The following XDH variants were observed in gnomAD, a reference collection of about 807,000 sequenced individuals.
XDH encodes xanthine dehydrogenase, also known as xanthine dehydrogenase/oxidase.
In XDH, 138 loss-of-function variants were observed where a neutral mutation model predicts 156.1. The observed-to-expected ratio is 0.88, with a 90% CI of 0.77 to 1.02. The LOEUF is 1.02. Among genes scored for constraint, XDH ranks in the 50% least tolerant of loss-of-function variants. The pLI, the probability that XDH is intolerant of heterozygous loss-of-function variation, is 0.00. For missense variants in XDH, 1,849 were observed against 1,684.9 expected (o/e 1.10, Z -1.71); for synonymous variants, 669 against 625.7 (o/e 1.07, Z -1.03).
At chr2:31,348,627 G>A (rs1459581089) in intron 27 of XDH, among the ~76,000 whole-genome samples, 1 of 152,180 alleles carries the variant, frequency 6.6e-6, no homozygotes, top group Non-Finnish European at 1.5e-5. Context: ...TGTAAGTGAA[G>A]AAACAGAACA....
intron 31 of XDH, among the ~76,000 whole-genome samples, chr2:31,342,519 T>G (rs1383202736): frequency 6.6e-6 from 1 of 152,220 alleles, no homozygotes; most frequent in East Asian, 1.9e-4. Flanking sequence ...CCAGTAGCCC[T>G]TCTGTACTCA....
At chr2:31,357,979 G>A (rs932525929) in intron 24 of XDH, among the ~76,000 whole-genome samples, 1 of 151,704 alleles carries the variant, frequency 6.6e-6, no homozygotes, top group East Asian at 1.9e-4. Context: ...GTGTTTTTTT[G>A]TTTGTTTCTT....
intron 24 of XDH, among the ~76,000 whole-genome samples, chr2:31,356,304 GA>G (rs754078924): frequency 7.0e-4 from 106 of 152,152 alleles, no homozygotes; most frequent in Non-Finnish European, 1.2e-3. Flanking sequence ...CATGTGGTAG[GA>G]AAAAGAAATG....
rs748041303 is a variant in XDH, at chr2:31,349,009, C to A, written c.2970-29G>T. The A allele has an allele frequency of 1.4e-5, 22 of 1,590,854 alleles. No individual in the cohort carries two copies. In the South Asian group the frequency reaches 1.6e-4, roughly 11 times the overall value. Reference sequence around the variant, plus strand: ...GAGAAAAAGGAATATTCTTATAGAACCTTCGCTATCATATTGAGGACATGA... The same window carrying A: ...GAGAAAAAGGAATATTCTTATAGAAACTTCGCTATCATATTGAGGACATGA... On this transcript the variant is annotated intron_variant, in intron 26 of 35. Coordinates refer to ENST00000379416, the MANE Select transcript of XDH (RefSeq NM_000379.4).
At position 31,366,019 on chromosome 2, in the gene XDH, G is replaced by A. The variant is rs140007233; in HGVS notation, c.2413C>T (p.Arg805Trp). Residue 805 changes from arginine to tryptophan, a missense_variant, in exon 22 of 36, where the codon CGG (arginine) becomes TGG (tryptophan). Arg to Trp is a moderately radical substitution (Grantham distance 101). Transcript: ENST00000379416. ...ACTGCCGTGGACACCACAGTGCTCC[G>A]GGTCTCCTTGCCTCCAAAGCCTCCT... is the stretch of plus-strand genomic sequence containing the variant. The part of the protein sequence containing the change: ...MGGGFGGKET[R>W]STVVSTAVAL... The A allele has an allele frequency of 1.3e-4, 210 of 1,614,044 alleles. No homozygotes were observed. The highest frequency in any genetic ancestry group is 1.7e-4 in the Non-Finnish European group (198 of 1,180,020).
chr2:31,370,241 C>G, intron 18 of XDH, 114 bp downstream of exon 18: 1 of 1,261,038 alleles, frequency 7.9e-7, no homozygotes, highest in Non-Finnish European at 1.1e-6. Flanking sequence ...TGGATGATGG[C>G]CATAATCCAT....
intron 3 of XDH, 32 bp from the exon 4 acceptor site, chr2:31,401,360 T>A: frequency 6.2e-7 from 1 of 1,610,570 alleles, no homozygotes; most frequent in Non-Finnish European, 8.5e-7. Context: ...ATTCCATTTA[T>A]TGTCCACTCA....
rs988500354 is a variant in XDH, at chr2:31,344,688, A to G, written c.3400T>C (p.Tyr1134His). ...DTVSLSATGF[Y>H]RTPNLGYSFE... The stretch of plus-strand genomic sequence containing the variant: ...CAAGGACAACACCATACTTACCTAT[A>G]AAACCCAGTGGCAGACAAGCTCACT... Residue 1134 changes from tyrosine to histidine, a missense_variant, in exon 31 of 36, where the codon TAT becomes CAT. Physicochemically the swap from Tyr to His is moderately conservative, Grantham distance 83. Coordinates refer to ENST00000379416, the MANE Select transcript of XDH (RefSeq NM_000379.4). 2.5e-6 allele frequency: 4 copies of G among 1,614,016 alleles called. No individual in the cohort carries two copies. Among genetic ancestry groups the G allele is most frequent in the Non-Finnish European group, 2.5e-6 (3 of 1,180,036 alleles).
chr2:31,362,002 T>C (rs1685791847), intron 24 of XDH, among the ~76,000 whole-genome samples: 1 of 152,134 alleles, frequency 6.6e-6, no homozygotes, highest in South Asian at 2.1e-4. Flanking sequence ...CTTTGGGATA[T>C]TTTAAACTCC....
At chr2:31,402,994 C>T in intron 3 of XDH, 54 bp downstream of exon 3, 1 of 1,594,950 alleles carries the variant, frequency 6.3e-7, no homozygotes, top group Non-Finnish European at 8.6e-7. Context: ...CCCTCACAAG[C>T]TGGTCCTGCA....
chr2:31,399,844 T>C (rs200834485), intron 4 of XDH, among the ~76,000 whole-genome samples: 1 of 152,244 alleles, frequency 6.6e-6, no homozygotes, highest in African/African-American at 2.4e-5. Context: ...ACTGAATCCA[T>C]TAAACTTCTC....
chr2:31,372,771 G>T (rs1444751006), intron 16 of XDH, among the ~76,000 whole-genome samples: 1 of 152,114 alleles, frequency 6.6e-6, no homozygotes, highest in Non-Finnish European at 1.5e-5. Flanking sequence ...ATTTGTGTTT[G>T]TGTTTGACAA....
At chr2:31,378,607 T>C (rs1686345029) in intron 13 of XDH, among the ~76,000 whole-genome samples, 1 of 152,116 alleles carries the variant, frequency 6.6e-6, no homozygotes, top group Non-Finnish European at 1.5e-5. Context: ...GAGTTTGACC[T>C]TTGTTCTGGA....
At position 31,388,291 on chromosome 2, in the gene XDH, C is replaced by T. The variant is rs1686669788; in HGVS notation, c.500G>A (p.Gly167Asp). ...ATTCCCATCTCCTCCACAGCATCCA[C>T]CATCCTAGAGAGATGATGAACATCT... Reference protein sequence around the residue: ...LQGFRTFARDGGCCGGDGNNP... With the variant: ...LQGFRTFARDDGCCGGDGNNP... Residue 167 changes from glycine (G) to aspartate (D), a missense_variant, in exon 7 of 36, where the codon GGT (glycine) becomes GAT (aspartate). Gly to Asp is a moderately conservative substitution (Grantham distance 94). Transcript: ENST00000379416. 1.2e-6 allele frequency: 2 copies of T among 1,614,034 alleles called. No individual in the cohort carries two copies. Among genetic ancestry groups the T allele is most frequent in the Admixed American group, 1.7e-5 (1 of 60,008 alleles).
At chr2:31,370,542 T>G (rs1464138584) in intron 17 of XDH, 64 bp from the exon 18 acceptor site, 2 of 1,603,444 alleles carry the variant, frequency 1.2e-6, no homozygotes, top group Non-Finnish European at 1.7e-6. Context: ...CATCACCTGG[T>G]TGGACAACCC....
chr2:31,345,795 C>T (rs559934505), intron 30 of XDH, among the ~76,000 whole-genome samples: 1 of 152,172 alleles, frequency 6.6e-6, no homozygotes, highest in Non-Finnish European at 1.5e-5. Flanking sequence ...GTTTCCCAGG[C>T]ACACTGGTCT....
rs943076660 is a variant in XDH, at chr2:31,401,255, T to C, written c.271A>G (p.Ile91Val). 1.9e-6 allele frequency: 3 copies of C among 1,614,094 alleles called. No homozygotes were observed. The highest frequency in any genetic ancestry group is 1.3e-5 in the African/African-American group (1 of 74,938). ...TGCAGCCTCGTCTTGGTGCTTCCTA[T>C]TCCTTCCACAGTTGTCACTGCAACA... is the stretch of plus-strand genomic sequence containing the variant. ...HHVAVTTVEGIGSTKTRLHPV... is the reference protein window; with the variant it reads ...HHVAVTTVEGVGSTKTRLHPV... The change falls in exon 4 of 36, where the codon ATA becomes GTA. Residue 91 changes from isoleucine to valine, a missense_variant. Physicochemically the swap from Ile to Val is conservative, Grantham distance 29 (BLOSUM62 3). Coordinates refer to ENST00000379416, the MANE Select transcript of XDH (RefSeq NM_000379.4).
intron 22 of XDH, 121 bp from the exon 23 acceptor site, chr2:31,365,665 A>G: frequency 8.2e-7 from 1 of 1,213,236 alleles, no homozygotes; most frequent in Non-Finnish European, 1.2e-6. Context: ...GCAGACCTGT[A>G]CAGGGCTGCT....
At chr2:31,375,669 T>A in intron 14 of XDH, 115 bp from the exon 15 acceptor site, 2 of 1,280,008 alleles carry the variant, frequency 1.6e-6, no homozygotes, top group Non-Finnish European at 1.1e-6. Flanking sequence ...AAATTTGGCT[T>A]GGATACTTAG....
Sources: gnomAD v4.1 joint callset for allele counts (sites outside exome capture counted in the v4.1 genomes callset) on GRCh38, gnomAD v4.1.1 for gene constraint, MANE v1.5 for transcripts, NCBI Gene and HGNC (gene_info 2026-07-23, HGNC 2026-07-21) for gene names.